Variants in R3HDM1 observed in about 807,000 individuals in gnomAD.
R3HDM1 encodes the protein R3H domain-containing protein 1.
In R3HDM1, 46 loss-of-function variants were observed where a neutral mutation model predicts 141.1. The observed-to-expected ratio is 0.33, with a 90% CI of 0.26 to 0.42. R3HDM1 has a LOEUF of 0.42. Ranked by LOEUF, R3HDM1 falls within the 10% of genes least tolerant of loss-of-function variation. The probability of loss-of-function intolerance (pLI) is 1.00; values close to 1 mark genes in which losing one functional copy is unlikely to be tolerated. For missense variants in R3HDM1, 1,184 were observed against 1,368.3 expected (o/e 0.87, Z 2.12); for synonymous variants, 435 against 472.9 (o/e 0.92, Z 1.04).
chr2:135,706,116 G>C (rs1170348049), intron 21 of R3HDM1, among the ~76,000 whole-genome samples: 2 of 148,794 alleles, frequency 1.3e-5, no homozygotes, highest in Non-Finnish European at 3.0e-5. Flanking sequence ...GTGACAAAGG[G>C]AGACTCCATC....
At chr2:135,596,030 G>C (rs1217725812) in intron 1 of R3HDM1, among the ~76,000 whole-genome samples, 1 of 151,948 alleles carries the variant, frequency 6.6e-6, no homozygotes, top group Non-Finnish European at 1.5e-5. Context: ...AGGGAGTCTC[G>C]TTCTGTCGCC....
chr2:135,545,742 G>A (rs574388711), intron 1 of R3HDM1, among the ~76,000 whole-genome samples: 4 of 152,216 alleles, frequency 2.6e-5, no homozygotes, highest in African/African-American at 4.8e-5. Context: ...CCCAAATGTA[G>A]TGGATTTGGG....
At chr2:135,534,185 G>A (rs900700852) in intron 1 of R3HDM1, among the ~76,000 whole-genome samples, 1 of 152,122 alleles carries the variant, frequency 6.6e-6, no homozygotes, top group African/African-American at 2.4e-5. Context: ...ATGGATTATT[G>A]GGAATAAAAA....
chr2:135,603,489 T>A lies in R3HDM1; in HGVS notation c.-41+781T>A, dbSNP rs143150458. Among the ~76,000 whole-genome samples the A allele has an allele frequency of 3.0e-3, 454 of 152,354 alleles. 2 individuals are homozygous for A. Among genetic ancestry groups the A allele is most frequent in the African/African-American group, 0.01 (430 of 41,586 alleles). ...CACCCCTTGATTTCACCAGTAACAT[T>A]TTAGCATACTTGCTATAACCTATAT... is the stretch of plus-strand genomic sequence containing the variant. On this transcript the variant is annotated intron_variant, in intron 2 of 26. Transcript: ENST00000683871.
At chr2:135,667,953 T>C (rs975857721) in intron 19 of R3HDM1, among the ~76,000 whole-genome samples, 2 of 152,222 alleles carry the variant, frequency 1.3e-5, no homozygotes, top group Non-Finnish European at 2.9e-5. Context: ...AAACAAAAGT[T>C]CAGAGGAATT....
chr2:135,541,956 A>G (rs1284174887), intron 1 of R3HDM1, among the ~76,000 whole-genome samples: 1 of 152,000 alleles, frequency 6.6e-6, no homozygotes, highest in African/African-American at 2.4e-5. Flanking sequence ...CCAGAAGTGT[A>G]TTGGATTTTT....
At chr2:135,534,055 A>G in intron 1 of R3HDM1, 1 of 982,146 alleles carries the variant, frequency 1.0e-6, no homozygotes, top group Non-Finnish European at 1.2e-6. Context: ...GAAGAGTACC[A>G]TGGGTGTATT....
At chr2:135,590,309 C>T (rs1403277528) in intron 1 of R3HDM1, among the ~76,000 whole-genome samples, 3 of 152,238 alleles carry the variant, frequency 2.0e-5, no homozygotes, top group African/African-American at 7.2e-5. Context: ...TGTCAGACTT[C>T]AGCTTGGGGT....
At chr2:135,618,645 T>C (rs2061278695) in intron 5 of R3HDM1, among the ~76,000 whole-genome samples, 2 of 152,290 alleles carry the variant, frequency 1.3e-5, no homozygotes, top group South Asian at 4.2e-4. Flanking sequence ...GGCTTTTGCA[T>C]GATTGTAATA....
chr2:135,588,563 TAAAC>T (rs1345505079), intron 1 of R3HDM1, among the ~76,000 whole-genome samples: 3 of 152,144 alleles, frequency 2.0e-5, no homozygotes, highest in East Asian at 1.9e-4. Context: ...ATATTTTAAA[TAAAC>T]ATGATTTACT....
intron 7 of R3HDM1, among the ~76,000 whole-genome samples, chr2:135,624,393 CAAAA>C (rs781574838): frequency 3.2e-5 from 2 of 61,788 alleles, no homozygotes; most frequent in African/African-American, 6.2e-5. Context: ...GACTCCGTCT[CAAAA>C]AAAAAAAAAA....
chr2:135,704,138 G>A (rs545158829), intron 21 of R3HDM1, among the ~76,000 whole-genome samples: 1 of 151,700 alleles, frequency 6.6e-6, no homozygotes, highest in Non-Finnish European at 1.5e-5. Flanking sequence ...CCACCACCAC[G>A]CCCAGCTAAT....
intron 21 of R3HDM1, among the ~76,000 whole-genome samples, chr2:135,683,570 A>AAAAAAAC (rs1553620829): frequency 7.1e-6 from 1 of 141,838 alleles, no homozygotes; most frequent in African/African-American, 2.7e-5. Context: ...AAAAAAAAAA[A>AAAAAAAC]AATTCATTAA....
At chr2:135,587,748 T>C (rs1036314081) in intron 1 of R3HDM1, among the ~76,000 whole-genome samples, 1 of 152,192 alleles carries the variant, frequency 6.6e-6, no homozygotes, top group African/African-American at 2.4e-5. Context: ...TGCTTTTTCA[T>C]ACTTTTGCTC....
intron 1 of R3HDM1, among the ~76,000 whole-genome samples, chr2:135,593,709 TTTTTA>T (rs1168055681): frequency 1.3e-5 from 2 of 151,910 alleles, no homozygotes; most frequent in African/African-American, 2.4e-5. Flanking sequence ...AGAATTTTCT[TTTTTA>T]TTTTATTATT....
intron 1 of R3HDM1, among the ~76,000 whole-genome samples, chr2:135,585,069 G>GTGCA (rs1707567199): frequency 6.6e-6 from 1 of 152,144 alleles, no homozygotes; most frequent in South Asian, 2.1e-4. Flanking sequence ...AAAGTTCAGG[G>GTGCA]TGCAGTAAAA....
chr2:135,581,392 A>G, intron 1 of R3HDM1: 1 of 983,770 alleles, frequency 1.0e-6, no homozygotes, highest in African/African-American at 1.7e-5. Context: ...TTGGTGCCTT[A>G]TTTCTATAAT....
At chr2:135,539,257 CATTT>C (rs1415636229) in intron 1 of R3HDM1, among the ~76,000 whole-genome samples, 6 of 151,966 alleles carry the variant, frequency 3.9e-5, no homozygotes, top group African/African-American at 1.5e-4. Flanking sequence ...GTATCATAGT[CATTT>C]ATTACCATTA....
intron 19 of R3HDM1, among the ~76,000 whole-genome samples, chr2:135,666,410 T>C (rs943576517): frequency 6.6e-6 from 1 of 152,236 alleles, no homozygotes; most frequent in Non-Finnish European, 1.5e-5. Context: ...ATTCTTGTTT[T>C]TTCATTGATT....
Sources: gnomAD v4.1 joint callset for allele counts (sites outside exome capture counted in the v4.1 genomes callset) on GRCh38, gnomAD v4.1.1 for gene constraint, MANE v1.5 for transcripts, NCBI Gene and HGNC (gene_info 2026-07-23, HGNC 2026-07-21) for gene names.